EXTL2: variants seen among roughly 807,000 people sequenced by gnomAD.
EXTL2 encodes the protein exostosin like glycosyltransferase 2.
Under a neutral mutation model 30.7 loss-of-function variants are expected in EXTL2, and 23 were observed. That is an observed-to-expected ratio of 0.75 (90% CI 0.54 to 1.06). EXTL2 has a LOEUF of 1.06. EXTL2 is among the 50% of genes least tolerant of loss of function. EXTL2 has a pLI of 0.00. For synonymous variants in EXTL2, 123 were observed against 133.8 expected (o/e 0.92, Z 0.56); for missense variants, 352 against 396.3 (o/e 0.89, Z 0.95).
intron 2 of EXTL2, among the ~76,000 whole-genome samples, chr1:100,887,280 T>C (rs1348168597): frequency 6.6e-6 from 1 of 152,244 alleles, no homozygotes; most frequent in Non-Finnish European, 1.5e-5. Context: ...ACAGATGAAT[T>C]ATGGCTTAAA....
rs1649213551 is a variant in EXTL2, at chr1:100,877,461, T to C, written c.433+15A>G. 1 of 1,564,764 alleles carries C rather than the reference T, an allele frequency of 6.4e-7. No homozygotes were observed. Among genetic ancestry groups the C allele is most frequent in the Admixed American group, 1.8e-5 (1 of 54,996 alleles). On this transcript the variant is annotated intron_variant, in intron 3 of 4. Transcript: ENST00000370114. The surrounding 1 kb of genome is among the most constrained non-coding windows in gnomAD (Gnocchi z 4.1). ...GCGGCAGCCTTTCCAGGCTGAGAAC[T>C]ACACTGCAACTCACCATTGGTTTCC...
At chr1:100,876,164 G>A (rs369532326) in intron 4 of EXTL2, among the ~76,000 whole-genome samples, 1 of 151,924 alleles carries the variant, frequency 6.6e-6, no homozygotes, top group East Asian at 1.9e-4. Flanking sequence ...ATGCAGTTCC[G>A]GTTTCAGGTA....
At chr1:100,891,554 G>C (rs1193744659) in intron 1 of EXTL2, among the ~76,000 whole-genome samples, 1 of 152,140 alleles carries the variant, frequency 6.6e-6, no homozygotes, top group Non-Finnish European at 1.5e-5. Flanking sequence ...TGAAATCTTA[G>C]GGAGTCAAAA....
intron 2 of EXTL2, among the ~76,000 whole-genome samples, chr1:100,878,810 C>T (rs1436672659): frequency 6.6e-6 from 1 of 152,196 alleles, no homozygotes; most frequent in South Asian, 2.1e-4. Flanking sequence ...GGATTTCCAA[C>T]AGGAAAATCT....
chr1:100,887,751 C>T (rs549352434), intron 2 of EXTL2, among the ~76,000 whole-genome samples: 99 of 152,068 alleles, frequency 6.5e-4, no homozygotes, highest in African/African-American at 2.4e-3. Flanking sequence ...GTCGCCCAGG[C>T]TGGAGATAAG....
At chr1:100,875,173 C>T (rs551926963) in intron 4 of EXTL2, among the ~76,000 whole-genome samples, 3 of 151,670 alleles carry the variant, frequency 2.0e-5, no homozygotes, top group South Asian at 2.1e-4. Context: ...TTGAAAGTTT[C>T]ATTCACTCAT....
chr1:100,874,152 C>G lies in EXTL2; in HGVS notation c.783G>C (p.Gly261=). ...CCATGTTTACAGGCTTCACAAATAT[C>G]CCTGAAGTCTTGCCAATATGCTTGG... ...IIAKHIGKTS[G]IFVKPVNMDN... Residue 261 remains glycine (G), a synonymous_variant, in exon 5 of 5, where the codon GGG becomes GGC. Coordinates refer to ENST00000370114, the MANE Select transcript of EXTL2 (RefSeq NM_001033025.3). 6.2e-7 allele frequency: 1 copy of G among 1,612,978 alleles called. No homozygotes were observed. Among genetic ancestry groups the G allele is most frequent in the Non-Finnish European group, 8.5e-7 (1 of 1,179,492 alleles).
At position 100,877,365 on chromosome 1, in the gene EXTL2, ACTTC is replaced by A. The variant is rs1362779693; in HGVS notation, c.433+107_433+110del. 1.0e-6 allele frequency: 1 copy of A among 996,072 alleles called. No individual in the cohort carries two copies. The highest frequency in any genetic ancestry group is 1.4e-6 in the Non-Finnish European group (1 of 694,242). The allele number at this position is 996,072 out of a possible 1,614,324, so 61.7% of individuals were successfully genotyped here. A position where few individuals can be genotyped will look rare whatever the true frequency, so the allele number is the denominator to read the frequency against. ...TTTCCAAAGTGCTTTCTTAGGACTA[ACTTC>A]CTTCATTTTTCTCCAGACGGTTAAG... On this transcript the variant is annotated intron_variant, in intron 3 of 4. Transcript: ENST00000370114. This position sits in a 1 kb window ranked among gnomAD's most constrained non-coding sequence, Gnocchi z 4.1.
At position 100,888,766 on chromosome 1, in the gene EXTL2, AG is replaced by A. The variant is rs565523516; in HGVS notation, c.-10del. 20 of 1,562,234 alleles carry A rather than the reference AG, an allele frequency of 1.3e-5. No homozygotes were observed. Among genetic ancestry groups the A allele is most frequent in the Middle Eastern group, 3.4e-4 (2 of 5,874 alleles). On this transcript the variant is annotated 5_prime_UTR_variant, in exon 2 of 5. Coordinates refer to ENST00000370114, the MANE Select transcript of EXTL2 (RefSeq NM_001033025.3). ...ATTGGTACTTACCTCATTGTGTTGAAGTTTAATTTTTAAAAAATCTCCTTAT... is the reference window on the plus strand; with the variant it reads ...ATTGGTACTTACCTCATTGTGTTGAATTTAATTTTTAAAAAATCTCCTTAT...
intron 4 of EXTL2, among the ~76,000 whole-genome samples, chr1:100,875,451 A>T (rs974138171): frequency 6.6e-6 from 1 of 151,940 alleles, no homozygotes; most frequent in African/African-American, 2.4e-5. Flanking sequence ...AGGTCAGGGG[A>T]TGGGGGATAA....
chr1:100,889,026 G>A (rs1490250449), intron 1 of EXTL2, among the ~76,000 whole-genome samples, 198 bp from the exon 2 acceptor site: 1 of 152,152 alleles, frequency 6.6e-6, no homozygotes, highest in East Asian at 1.9e-4. Context: ...CAGTGAGGTT[G>A]GTGCTATATT....
intron 1 of EXTL2, among the ~76,000 whole-genome samples, chr1:100,889,566 T>C (rs1650252511): frequency 6.6e-6 from 1 of 152,174 alleles, no homozygotes; most frequent in South Asian, 2.1e-4. Flanking sequence ...TCCCTTCTGC[T>C]TAGGAGCCTG....
At position 100,874,079 on chromosome 1, in the gene EXTL2, G is replaced by C; in HGVS notation, c.856C>G (p.Arg286Gly). ...TNSGYSGMWH[R>G]AEHALQRSYC... is the part of the protein sequence containing the mutation. ...GACCTCTGCAGAGCGTGCTCAGCTC[G>C]ATGCCACATTCCAGAATAGCCACTG... is the stretch of plus-strand genomic sequence containing the variant. Residue 286 changes from arginine to glycine, a missense_variant, in exon 5 of 5, where the codon CGA becomes GGA. Coordinates refer to ENST00000370114, the MANE Select transcript of EXTL2 (RefSeq NM_001033025.3). 2 of 1,613,052 alleles carry C rather than the reference G, an allele frequency of 1.2e-6. No homozygotes were observed. The highest frequency in any genetic ancestry group is 1.7e-6 in the Non-Finnish European group (2 of 1,179,484).
At chr1:100,890,713 GACC>G (rs1650360725) in intron 1 of EXTL2, among the ~76,000 whole-genome samples, 1 of 152,148 alleles carries the variant, frequency 6.6e-6, no homozygotes, top group Non-Finnish European at 1.5e-5. Context: ...CTCCATCTGA[GACC>G]ACATCAGCCT....
rs775551984 is a variant in EXTL2 at position 100,877,693 on chromosome 1, C to T, written c.216G>A (p.Thr72=). 7.4e-6 allele frequency: 12 copies of T among 1,613,464 alleles called. No individual in the cohort carries two copies. Among genetic ancestry groups the T allele is most frequent in the South Asian group, 6.6e-5 (6 of 91,076 alleles). Residue 72 remains threonine (T), a synonymous_variant, in exon 3 of 5, where the codon ACG becomes ACA. Coordinates refer to ENST00000370114, the MANE Select transcript of EXTL2 (RefSeq NM_001033025.3). The surrounding 1 kb of genome is among the most constrained non-coding windows in gnomAD (Gnocchi z 4.1). ...TMDSFTLIMQ[T]YNRTDLLLKL... Reference sequence around the variant, plus strand: ...TCAATAAGAGATCTGTTCTGTTGTACGTCTGCATTATGAGAGTAAAGGAGT... The same window carrying T: ...TCAATAAGAGATCTGTTCTGTTGTATGTCTGCATTATGAGAGTAAAGGAGT...
intron 2 of EXTL2, among the ~76,000 whole-genome samples, chr1:100,879,733 T>C (rs1649417685): frequency 6.6e-6 from 1 of 152,170 alleles, no homozygotes; most frequent in South Asian, 2.1e-4. Flanking sequence ...ACTCTTCTTC[T>C]TGGTATAACA....
At position 100,877,929 on chromosome 1, in the gene EXTL2, C is replaced by G; in HGVS notation, c.6-26G>C. ...CTGGAGTAGAAATGGAAACAACATA[C>G]AAATGTTAGCATTCTTACGAGTCCC... On this transcript the variant is annotated intron_variant, in intron 2 of 4. Coordinates refer to ENST00000370114, the MANE Select transcript of EXTL2 (RefSeq NM_001033025.3). The surrounding 1 kb of genome is among the most constrained non-coding windows in gnomAD (Gnocchi z 4.1). The G allele has an allele frequency of 6.5e-7, 1 of 1,536,270 alleles. No homozygotes were observed. Among genetic ancestry groups the G allele is most frequent in the Non-Finnish European group, 8.8e-7 (1 of 1,134,330 alleles).
Position 100,877,796 on chromosome 1 carries a change from G to A in EXTL2, c.113C>T (p.Ala38Val), listed in dbSNP as rs1649245332. ...VLLLVAGALT[A>V]LLPSVKEDKM... Reference sequence around the variant, plus strand: ...GTCTTCTTTAACACTGGGAAGTAAGGCAGTCAAAGCACCAGCTACCAGTAA... The same window carrying A: ...GTCTTCTTTAACACTGGGAAGTAAGACAGTCAAAGCACCAGCTACCAGTAA... Residue 38 changes from alanine (A) to valine (V), a missense_variant, in exon 3 of 5, where the codon GCC becomes GTC. By Grantham distance (64) the Ala-to-Val change is moderately conservative. Coordinates refer to ENST00000370114, the MANE Select transcript of EXTL2 (RefSeq NM_001033025.3). The surrounding 1 kb of genome is among the most constrained non-coding windows in gnomAD (Gnocchi z 4.1). 6.2e-7 allele frequency: 1 copy of A among 1,609,526 alleles called. No homozygotes were observed. The highest frequency in any genetic ancestry group is 8.5e-7 in the Non-Finnish European group (1 of 1,179,574).
chr1:100,882,318 C>G (rs1419983038), intron 2 of EXTL2, among the ~76,000 whole-genome samples: 1 of 152,210 alleles, frequency 6.6e-6, no homozygotes, highest in East Asian at 1.9e-4. Flanking sequence ...TGCTAAATAT[C>G]CTGCGATGCA....
Sources: allele counts gnomAD v4.1 joint callset (sites outside exome capture counted in the v4.1 genomes callset), GRCh38; gene constraint gnomAD v4.1.1; non-coding constraint Gnocchi (gnomAD v3.1); transcripts MANE v1.5; gene names NCBI Gene and HGNC (gene_info 2026-07-23, HGNC 2026-07-21).